Variants in SLC39A12 observed in about 807,000 individuals in gnomAD.
The protein encoded by SLC39A12 is zinc transporter ZIP12.
A neutral mutation model predicts 71.1 loss-of-function variants in SLC39A12; 63 were observed. The observed-to-expected ratio is 0.89, with a 90% CI of 0.72 to 1.09. The LOEUF is 1.09. SLC39A12 is among the 50% of genes least tolerant of loss of function. The probability of loss-of-function intolerance (pLI) is 0.00; values close to 1 mark genes in which losing one functional copy is unlikely to be tolerated. For synonymous variants in SLC39A12, 351 were observed against 301.3 expected (o/e 1.16, Z -1.71); for missense variants, 892 against 812.6 (o/e 1.10, Z -1.19).
chr10:18,001,227 A>G (rs971710053), intron 11 of SLC39A12, among the ~76,000 whole-genome samples: 2 of 152,216 alleles, frequency 1.3e-5, no homozygotes, highest in Non-Finnish European at 2.9e-5. Flanking sequence ...CATTTAAATT[A>G]AAACCGGCCG....
intron 6 of SLC39A12, among the ~76,000 whole-genome samples, chr10:17,985,867 GA>G (rs1373923657): frequency 1.3e-5 from 2 of 151,888 alleles, no homozygotes. Context: ...CTAGAAACAT[GA>G]AATTCTAAGG....
intron 12 of SLC39A12, among the ~76,000 whole-genome samples, chr10:18,027,053 T>A (rs1405058381): frequency 6.6e-6 from 1 of 152,194 alleles, no homozygotes; most frequent in Non-Finnish European, 1.5e-5. Context: ...AACCATCTTT[T>A]GCCTTTTAAT....
In SLC39A12 at chr10:17,958,264, C is replaced by A. The variant is rs1270912793; in HGVS notation, c.262-3317C>A. ...ACATGTTCTGCCATGTGCTCATACA[C>A]CAAGCCCTGCCCTGGTCTCATGGCC... On this transcript the variant is annotated intron_variant, in intron 2 of 12. Coordinates refer to ENST00000377369, the MANE Select transcript of SLC39A12 (RefSeq NM_001145195.2). 2.6e-5 allele frequency among the ~76,000 whole-genome samples: 4 copies of A among 152,116 alleles called. No individual in the cohort carries two copies. In the East Asian group the frequency reaches 5.8e-4, roughly 22 times the overall value.
At chr10:17,962,677 C>G (rs879960965) in intron 3 of SLC39A12, among the ~76,000 whole-genome samples, 5 of 151,926 alleles carry the variant, frequency 3.3e-5, no homozygotes, top group Non-Finnish European at 7.4e-5. Context: ...TCAATTCTGG[C>G]ATTCTGAAGC....
chr10:17,953,720 A>T (rs1834467149), intron 2 of SLC39A12, among the ~76,000 whole-genome samples, 183 bp downstream of exon 2: 1 of 152,306 alleles, frequency 6.6e-6, no homozygotes, highest in Admixed American at 6.5e-5. Context: ...TATGTATAGC[A>T]CCTAGGGACA....
Position 17,981,378 on chromosome 10 carries a change from G to C in SLC39A12, c.991G>C (p.Glu331Gln), listed in dbSNP as rs761592286. Reference protein sequence around the residue: ...LQKGLSLISKEDFKQMSPGII... With the variant: ...LQKGLSLISKQDFKQMSPGII... ...GAAGGGCCTCTCACTCATTTCTAAG[G>C]AGGACTTTAAGCAAATGAGTCCAGG... The change falls in exon 6 of 13, where the codon GAG (glutamate) becomes CAG (glutamine). Residue 331 changes from glutamate to glutamine, a missense_variant. Physicochemically the swap from Glu to Gln is conservative, Grantham distance 29. Transcript: ENST00000377369. The C allele has an allele frequency of 6.2e-7, 1 of 1,613,768 alleles. No homozygotes were observed. Among genetic ancestry groups the C allele is most frequent in the Non-Finnish European group, 8.5e-7 (1 of 1,179,790 alleles).
At chr10:18,042,371 G>A (rs2130915566) in intron 12 of SLC39A12, among the ~76,000 whole-genome samples, 3 of 150,048 alleles carry the variant, frequency 2.0e-5, no homozygotes, top group East Asian at 4.0e-4. Flanking sequence ...GCTGAGGTGA[G>A]AGGATTGCTG....
intron 3 of SLC39A12, among the ~76,000 whole-genome samples, chr10:17,964,260 C>T (rs1366334801): frequency 6.6e-6 from 1 of 152,210 alleles, no homozygotes; most frequent in African/African-American, 2.4e-5. Context: ...CATGGAACTT[C>T]TGGCTACTTC....
chr10:17,998,563 T>G (rs1321527237), intron 10 of SLC39A12, among the ~76,000 whole-genome samples: 1 of 152,180 alleles, frequency 6.6e-6, no homozygotes, highest in African/African-American at 2.4e-5. Context: ...AATTCAGTAT[T>G]TATTCTTTGT....
At chr10:18,002,784 C>A in intron 11 of SLC39A12, 1 of 158,560 alleles carries the variant, frequency 6.3e-6, no homozygotes, top group Non-Finnish European at 1.4e-5. Flanking sequence ...TAATAAAAGC[C>A]CATATAGTGT....
chr10:17,976,194 A>T (rs527556657), intron 4 of SLC39A12, among the ~76,000 whole-genome samples: 6 of 151,908 alleles, frequency 3.9e-5, no homozygotes, highest in Admixed American at 1.3e-4. Flanking sequence ...TAGTTGTTAA[A>T]TTGGTGTCCT....
At chr10:17,977,770 C>G in intron 4 of SLC39A12, 132 bp from the exon 5 acceptor site, 3 of 639,688 alleles carry the variant, frequency 4.7e-6, no homozygotes, top group Non-Finnish European at 7.3e-6. Flanking sequence ...AATGTCCATT[C>G]TGTCATCTCT....
chr10:17,973,898 T>A (rs1426388952), intron 4 of SLC39A12, among the ~76,000 whole-genome samples: 4 of 63,712 alleles, frequency 6.3e-5, no homozygotes, highest in South Asian at 4.8e-4. Flanking sequence ...TCGTGCTTTA[T>A]TTTTTTTTTT....
At chr10:17,988,785 G>C (rs1835468611) in intron 7 of SLC39A12, among the ~76,000 whole-genome samples, 1 of 152,112 alleles carries the variant, frequency 6.6e-6, no homozygotes, top group South Asian at 2.1e-4. Flanking sequence ...ATTTGCCATG[G>C]GCTACGTCTC....
At chr10:18,040,241 A>C (rs2130910231) in intron 12 of SLC39A12, among the ~76,000 whole-genome samples, 1 of 152,298 alleles carries the variant, frequency 6.6e-6, no homozygotes, top group East Asian at 1.9e-4. Context: ...ATTTTTCTAA[A>C]GTATAACATG....
At chr10:18,016,839 T>A (rs1836398831) in intron 12 of SLC39A12, among the ~76,000 whole-genome samples, 1 of 152,230 alleles carries the variant, frequency 6.6e-6, no homozygotes, top group Admixed American at 6.5e-5. Context: ...ATCATACATC[T>A]TCTTTGGGGA....
At position 17,987,598 on chromosome 10, in the gene SLC39A12, G is replaced by T. The variant is rs1293881115; in HGVS notation, c.1216G>T (p.Gly406Cys). The T allele has an allele frequency of 6.2e-7, 1 of 1,614,108 alleles. No individual in the cohort carries two copies. The highest frequency in any genetic ancestry group is 2.2e-5 in the East Asian group (1 of 44,858). Residue 406 changes from glycine to cysteine, a missense_variant, in exon 7 of 13, where the codon GGC becomes TGC. Gly to Cys is a radical substitution (Grantham distance 159, BLOSUM62 -3). Transcript: ENST00000377369. ...CAGGCTTATCTTACAGCTGTTTGTG[G>T]GCTTGGCCGTCGGGACACTGTCTGG... ...NYRLILQLFV[G>C]LAVGTLSGDA... is the part of the protein sequence containing the mutation.
intron 12 of SLC39A12, among the ~76,000 whole-genome samples, chr10:18,040,816 C>A (rs549844109): frequency 1.3e-5 from 2 of 150,788 alleles, no homozygotes; most frequent in South Asian, 4.2e-4. Context: ...TGCCATAAAC[C>A]TAAAGTCCTT....
chr10:17,953,076 C>G (rs552511), intron 1 of SLC39A12, 115 bp from the exon 2 acceptor site: 230,607 of 638,590 alleles, frequency 0.36, 42,618 homozygotes, highest in Admixed American at 0.39. Flanking sequence ...TACAGACCCC[C>G]GCTGTGTAGA....
Sources: allele counts gnomAD v4.1 joint callset (sites outside exome capture counted in the v4.1 genomes callset), GRCh38; gene constraint gnomAD v4.1.1; transcripts MANE v1.5; gene names NCBI Gene and HGNC (gene_info 2026-07-23, HGNC 2026-07-21).